FTO: variants seen among roughly 807,000 people sequenced by gnomAD.
FTO encodes the protein alpha-ketoglutarate-dependent dioxygenase FTO.
In FTO, 47 loss-of-function variants were observed where a neutral mutation model predicts 63.9. That is an observed-to-expected ratio of 0.74 (90% CI 0.58 to 0.94). The LOEUF is 0.94. FTO is among the 40% of genes least tolerant of loss of function. The pLI is 0.00. For missense variants in FTO, 562 were observed against 618.1 expected (o/e 0.91, Z 0.96); for synonymous variants, 207 against 224.4 (o/e 0.92, Z 0.69).
intron 4 of FTO, among the ~76,000 whole-genome samples, chr16:53,851,290 A>G (rs2079787603): frequency 3.2e-5 from 3 of 93,768 alleles, no homozygotes; most frequent in Admixed American, 1.2e-4. Flanking sequence ...TCTACTAAAA[A>G]AAAAAAAAAA....
chr16:53,995,660 A>T (rs2083918814), intron 8 of FTO, among the ~76,000 whole-genome samples: 1 of 152,232 alleles, frequency 6.6e-6, no homozygotes, highest in Non-Finnish European at 1.5e-5. Context: ...GCTTTCAGAG[A>T]TGACCATGTA....
chr16:53,917,749 T>C (rs4783824), intron 7 of FTO, among the ~76,000 whole-genome samples: 136,492 of 150,772 alleles, frequency 0.91, 61,860 homozygotes, highest in East Asian at 1. Flanking sequence ...TGTGTCCATC[T>C]GTCCATCCGT....
At chr16:53,958,758 C>A (rs948615061) in intron 8 of FTO, among the ~76,000 whole-genome samples, 6 of 152,200 alleles carry the variant, frequency 3.9e-5, no homozygotes, top group African/African-American at 1.4e-4. Flanking sequence ...TTGCAGCCAA[C>A]AGAGCACAAC....
chr16:53,943,356 T>C (rs2082578970), intron 8 of FTO, among the ~76,000 whole-genome samples: 1 of 152,248 alleles, frequency 6.6e-6, no homozygotes, highest in African/African-American at 2.4e-5. Flanking sequence ...GTGCATCTTA[T>C]TTATAAAATC....
chr16:53,836,117 C>T (rs2079285132), intron 3 of FTO, among the ~76,000 whole-genome samples: 1 of 152,172 alleles, frequency 6.6e-6, no homozygotes, highest in South Asian at 2.1e-4. Context: ...TCTCGAATTC[C>T]TGACTTCAGG....
At chr16:53,862,680 C>T (rs937129640) in intron 4 of FTO, among the ~76,000 whole-genome samples, 6 of 151,524 alleles carry the variant, frequency 4.0e-5, no homozygotes, top group Admixed American at 6.6e-5. Context: ...GGATTACAGG[C>T]GCCTGCCACC....
chr16:53,819,051 T>C (rs1457400651), intron 2 of FTO, among the ~76,000 whole-genome samples: 1 of 152,236 alleles, frequency 6.6e-6, no homozygotes, highest in African/African-American at 2.4e-5. Context: ...AATTGCACGC[T>C]ATCAGAATAT....
chr16:53,738,024 G>C (rs990837044), intron 1 of FTO, among the ~76,000 whole-genome samples: 3 of 121,696 alleles, frequency 2.5e-5, no homozygotes, highest in African/African-American at 1.1e-4. Context: ...CACAATCGTA[G>C]CTTTTTTTTT....
chr16:54,111,662 G>A, intron 8 of FTO, 100 bp from the exon 9 acceptor site: 1 of 1,274,244 alleles, frequency 7.8e-7, no homozygotes, highest in Admixed American at 1.7e-5. Flanking sequence ...CCCGAGGACT[G>A]TCTTTGGAGC....
chr16:53,729,264 C>T (rs1045340663), intron 1 of FTO, among the ~76,000 whole-genome samples: 4 of 151,932 alleles, frequency 2.6e-5, no homozygotes, highest in Admixed American at 6.6e-5. Flanking sequence ...AGCCGTGGCT[C>T]ATGCCTGTAA....
chr16:53,797,157 A>G (rs909518474), intron 1 of FTO, among the ~76,000 whole-genome samples: 4 of 152,190 alleles, frequency 2.6e-5, no homozygotes, highest in African/African-American at 7.2e-5. Context: ...GATTTCCCAT[A>G]TACTCCCTAC....
At chr16:53,950,170 A>AAAAAAAAAAC (rs2082751666) in intron 8 of FTO, among the ~76,000 whole-genome samples, 1 of 148,504 alleles carries the variant, frequency 6.7e-6, no homozygotes, top group Non-Finnish European at 1.5e-5. Context: ...AAAAAAAAAA[A>AAAAAAAAAAC]AAAAAAAAAC....
At chr16:53,891,753 T>G (rs1008608859) in intron 7 of FTO, among the ~76,000 whole-genome samples, 10 of 152,360 alleles carry the variant, frequency 6.6e-5, no homozygotes, top group African/African-American at 1.4e-4. Flanking sequence ...TTTAGTTATA[T>G]CTATGTAAAT....
intron 7 of FTO, among the ~76,000 whole-genome samples, chr16:53,920,770 G>T (rs927827044): frequency 6.6e-6 from 1 of 152,072 alleles, no homozygotes; most frequent in African/African-American, 2.4e-5. Flanking sequence ...TAATGTTGAT[G>T]GAATGGTTGT....
At chr16:54,070,644 T>C (rs1361994361) in intron 8 of FTO, 1 of 152,210 alleles carries the variant, frequency 6.6e-6, no homozygotes, top group Non-Finnish European at 1.5e-5. Context: ...CATGGAATTC[T>C]TCCCTGCAGG....
chr16:53,798,005 A>G (rs1490979135), intron 1 of FTO, among the ~76,000 whole-genome samples: 1 of 152,224 alleles, frequency 6.6e-6, no homozygotes. Context: ...TTGTGTATGC[A>G]CAAGGTGTGG....
chr16:54,060,188 G>T (rs1269852024), intron 8 of FTO, among the ~76,000 whole-genome samples: 1 of 152,168 alleles, frequency 6.6e-6, no homozygotes, highest in African/African-American at 2.4e-5. Flanking sequence ...ATCAAAAAAT[G>T]TGCTGGGTAA....
intron 1 of FTO, among the ~76,000 whole-genome samples, chr16:53,789,326 T>C (rs1384522980): frequency 1.3e-5 from 2 of 152,216 alleles, no homozygotes; most frequent in African/African-American, 2.4e-5. Context: ...ACTACTTGTC[T>C]TTTCAGAGCG....
Position 54,117,042 on chromosome 16 carries a change from C to T in FTO, c.*5127C>T, listed in dbSNP as rs1379581874. 1 of 152,214 alleles carries T rather than the reference C, an allele frequency of 6.6e-6. No individual in the cohort carries two copies. Among genetic ancestry groups the T allele is most frequent in the African/African-American group, 2.4e-5 (1 of 41,444 alleles). The allele number at this position is 152,214 out of a possible 1,614,324, so 9.4% of individuals were successfully genotyped here. A position where few individuals can be genotyped will look rare whatever the true frequency, so the allele number is the denominator to read the frequency against. On this transcript the variant is annotated 3_prime_UTR_variant, in exon 9 of 9. Transcript: ENST00000471389. Reference sequence around the variant, plus strand: ...ATTGGAAACTGAGCCTCTCTGCATCCTCTGCTCTTTCTATCCCGCTGTCAT... The same window carrying T: ...ATTGGAAACTGAGCCTCTCTGCATCTTCTGCTCTTTCTATCCCGCTGTCAT...
Sources: gnomAD v4.1 joint callset for allele counts (sites outside exome capture counted in the v4.1 genomes callset) on GRCh38, gnomAD v4.1.1 for gene constraint, MANE v1.5 for transcripts, NCBI Gene and HGNC (gene_info 2026-07-23, HGNC 2026-07-21) for gene names.